Variants in MDGA2 observed in about 807,000 individuals in gnomAD.
The protein encoded by MDGA2 is MAM domain containing glycosylphosphatidylinositol anchor 2.
In MDGA2, 40 loss-of-function variants were observed where a neutral mutation model predicts 117.8. That is an observed-to-expected ratio of 0.34 (90% CI 0.26 to 0.44). MDGA2 has a LOEUF of 0.44. Ranked by LOEUF, MDGA2 falls within the 20% of genes least tolerant of loss-of-function variation. MDGA2 has a pLI of 1.00. For missense variants in MDGA2, 1,123 were observed against 1,250.6 expected (o/e 0.90, Z 1.54); for synonymous variants, 452 against 439.0 (o/e 1.03, Z -0.37).
intron 8 of MDGA2, among the ~76,000 whole-genome samples, chr14:46,976,630 G>A (rs989847458): frequency 3.3e-5 from 5 of 151,802 alleles, no homozygotes; most frequent in Admixed American, 1.3e-4. Context: ...TATCATATCC[G>A]TTATTGGTAC....
intron 6 of MDGA2, among the ~76,000 whole-genome samples, chr14:47,086,198 G>T (rs550205547): frequency 1.3e-5 from 2 of 151,120 alleles, no homozygotes; most frequent in East Asian, 3.9e-4. Flanking sequence ...GAATTACTGG[G>T]TTGATGATTT....
At chr14:46,923,808 A>T (rs1376400027) in intron 9 of MDGA2, among the ~76,000 whole-genome samples, 1 of 152,082 alleles carries the variant, frequency 6.6e-6, no homozygotes, top group African/African-American at 2.4e-5. Context: ...ATTCATAAGA[A>T]AGACACAGTA....
At chr14:46,956,798 G>T (rs536887743) in intron 9 of MDGA2, among the ~76,000 whole-genome samples, 9 of 152,222 alleles carry the variant, frequency 5.9e-5, no homozygotes, top group African/African-American at 2.2e-4. Context: ...CCACTTCTCA[G>T]GGGAGGGCTC....
intron 1 of MDGA2, among the ~76,000 whole-genome samples, chr14:47,669,160 T>A (rs1898030076): frequency 6.6e-6 from 1 of 152,168 alleles, no homozygotes; most frequent in Non-Finnish European, 1.5e-5. Context: ...GAAAAGTTTA[T>A]TTGTACCCTG....
At chr14:47,309,384 T>G (rs1889562111) in intron 1 of MDGA2, among the ~76,000 whole-genome samples, 1 of 152,146 alleles carries the variant, frequency 6.6e-6, no homozygotes, top group African/African-American at 2.4e-5. Context: ...TGTCCTTAAT[T>G]TGATGAGTTG....
intron 3 of MDGA2, among the ~76,000 whole-genome samples, chr14:47,214,054 A>G (rs1236604610): frequency 6.6e-6 from 1 of 152,126 alleles, no homozygotes; most frequent in Non-Finnish European, 1.5e-5. Context: ...CAGATCTCAT[A>G]AAAACTCACT....
chr14:47,296,534 G>A (rs72682176), intron 2 of MDGA2, among the ~76,000 whole-genome samples: 13,835 of 152,094 alleles, frequency 0.091, 757 homozygotes, highest in Non-Finnish European at 0.11. Context: ...ATAAACATGT[G>A]GGAAAATGTT....
At chr14:47,510,974 AGTT>A (rs986267621) in intron 1 of MDGA2, among the ~76,000 whole-genome samples, 88 of 152,278 alleles carry the variant, frequency 5.8e-4, no homozygotes, top group African/African-American at 2.0e-3. Flanking sequence ...TACCTCTACA[AGTT>A]GTTGTTCTCT....
chr14:47,140,256 A>G (rs1270425303), intron 4 of MDGA2, among the ~76,000 whole-genome samples: 1 of 152,036 alleles, frequency 6.6e-6, no homozygotes, highest in Admixed American at 6.6e-5. Flanking sequence ...TGTCTGTGCT[A>G]TCCAAAGTGA....
At chr14:47,111,910 G>C (rs532755293) in intron 5 of MDGA2, among the ~76,000 whole-genome samples, 1 of 152,302 alleles carries the variant, frequency 6.6e-6, no homozygotes, top group South Asian at 2.1e-4. Flanking sequence ...CTAGATGTTA[G>C]TAATAAGATG....
chr14:47,192,879 A>T (rs1885164425), intron 3 of MDGA2, among the ~76,000 whole-genome samples: 1 of 152,202 alleles, frequency 6.6e-6, no homozygotes, highest in South Asian at 2.1e-4. Flanking sequence ...ATAAAAACAG[A>T]TTGATATTCA....
chr14:47,000,448 T>C (rs114599330), intron 8 of MDGA2, among the ~76,000 whole-genome samples: 48,360 of 138,156 alleles, frequency 0.35, 8,699 homozygotes, highest in South Asian at 0.42. Flanking sequence ...CATATAAATA[T>C]ATATATAAAT....
chr14:46,905,895 A>G (rs780641036), intron 10 of MDGA2, among the ~76,000 whole-genome samples: 2 of 152,112 alleles, frequency 1.3e-5, no homozygotes. Flanking sequence ...CTGAGGGTCA[A>G]CAGGTATATA....
At chr14:47,222,539 A>G (rs1411841059) in intron 2 of MDGA2, among the ~76,000 whole-genome samples, 1 of 152,174 alleles carries the variant, frequency 6.6e-6, no homozygotes, top group Non-Finnish European at 1.5e-5. Context: ...AGTTCTTGAT[A>G]GTGCAACTTT....
At position 47,335,734 on chromosome 14, in the gene MDGA2, T is replaced by TTATATATATATATATATA. The variant is rs1555374514; in HGVS notation, c.281-34185_281-34184insTATATATATATATATATA. 1.7e-3 allele frequency among the ~76,000 whole-genome samples: 83 copies of TTATATATATATATATATA among 47,856 alleles called. 2 individuals are homozygous for TTATATATATATATATATA. The highest frequency in any genetic ancestry group is 4.2e-3 in the South Asian group (3 of 712). 31.4% of individuals were successfully genotyped at this position (47,856 alleles called of 152,430 possible). ...ACACATACACATGCACACATATATT[T>TTATATATATATATATATA]TATATATATATATACATACATACAT... On this transcript the variant is annotated intron_variant, in intron 1 of 16. Transcript: ENST00000399232.
intron 8 of MDGA2, among the ~76,000 whole-genome samples, chr14:46,962,334 G>A (rs888955167): frequency 6.6e-6 from 1 of 152,154 alleles, no homozygotes; most frequent in South Asian, 2.1e-4. Context: ...CCTTGGGAGT[G>A]GGAATGTGTA....
chr14:47,410,406 C>G (rs1892348000), intron 1 of MDGA2, among the ~76,000 whole-genome samples: 1 of 152,042 alleles, frequency 6.6e-6, no homozygotes, highest in Non-Finnish European at 1.5e-5. Context: ...TTTTATTGTA[C>G]TAATTTGATC....
At chr14:46,895,341 G>T (rs547499870) in intron 10 of MDGA2, among the ~76,000 whole-genome samples, 15 of 152,306 alleles carry the variant, frequency 9.8e-5, no homozygotes, top group African/African-American at 3.6e-4. Flanking sequence ...CCCAGTCTCA[G>T]ATATTTCTTC....
At chr14:46,987,221 T>C (rs1455362214) in intron 8 of MDGA2, among the ~76,000 whole-genome samples, 1 of 152,062 alleles carries the variant, frequency 6.6e-6, no homozygotes, top group Non-Finnish European at 1.5e-5. Context: ...CGGTGACTCT[T>C]TGGGATCACA....
Sources: gnomAD v4.1 joint callset for allele counts (sites outside exome capture counted in the v4.1 genomes callset) on GRCh38, gnomAD v4.1.1 for gene constraint, MANE v1.5 for transcripts, NCBI Gene and HGNC (gene_info 2026-07-23, HGNC 2026-07-21) for gene names.